The following NCKAP1 variants were observed in gnomAD, a reference collection of about 807,000 sequenced individuals.
NCKAP1 encodes the protein NCK associated protein 1, also known as nck-associated protein 1.
Under a neutral mutation model 151.2 loss-of-function variants are expected in NCKAP1, and 21 were observed. That is an observed-to-expected ratio of 0.14 (90% confidence interval 0.10 to 0.20). NCKAP1 has a LOEUF of 0.20. Ranked by LOEUF, NCKAP1 falls within the 10% of genes least tolerant of loss-of-function variation. The pLI is 1.00. For missense variants in NCKAP1, 933 were observed against 1,352.1 expected, an observed-to-expected ratio of 0.69 and a Z score of 4.86; for synonymous variants, 484 against 451.8, an observed-to-expected ratio of 1.07 and a Z score of -0.90.
At chr2:182,979,529 T>A (rs1697896034) in intron 13 of NCKAP1, among the ~76,000 whole-genome samples, 1 of 152,110 alleles carries the variant, frequency 6.6e-6, no homozygotes, top group Admixed American at 6.6e-5. Flanking sequence ...ACAAACAGTA[T>A]AAATAAAACA....
intron 13 of NCKAP1, among the ~76,000 whole-genome samples, chr2:182,979,444 A>G (rs373335156): frequency 1.3e-5 from 2 of 152,168 alleles, no homozygotes; most frequent in East Asian, 3.8e-4. Context: ...TAGCTTAAAA[A>G]ATGAATATTT....
intron 2 of NCKAP1, among the ~76,000 whole-genome samples, chr2:183,016,361 G>T (rs1698687572): frequency 6.6e-6 from 1 of 152,100 alleles, no homozygotes; most frequent in Admixed American, 6.6e-5. Flanking sequence ...ATCTCCTGAG[G>T]AGTTCTTTTA....
chr2:183,031,692 T>C (rs1699007054), intron 1 of NCKAP1, among the ~76,000 whole-genome samples: 1 of 152,164 alleles, frequency 6.6e-6, no homozygotes, highest in Non-Finnish European at 1.5e-5. Flanking sequence ...ACTGTACCAA[T>C]ACTTCCTATG....
Position 182,986,117 on chromosome 2 carries a change from G to A in NCKAP1, c.1004+54C>T, listed in dbSNP as rs1001252212. 4 of 1,518,736 alleles carry A rather than the reference G, an allele frequency of 2.6e-6. No homozygotes were observed. The African/African-American group carries it at 5.5e-5, about 21-fold the overall frequency. The allele number at this position is 1,518,736 out of a possible 1,614,324, so 94.1% of individuals were successfully genotyped here. ...TCTGTACTCACTTCAACAAAATGAT[G>A]CTTTAAGAATTTTTCTTGATTAAAG... On this transcript the variant is annotated intron_variant, in intron 10 of 30. Coordinates refer to ENST00000361354, the MANE Select transcript of NCKAP1 (RefSeq NM_013436.5).
At chr2:182,960,506 T>C (rs1697424111) in intron 18 of NCKAP1, among the ~76,000 whole-genome samples, 2 of 152,128 alleles carry the variant, frequency 1.3e-5, no homozygotes, top group African/African-American at 2.4e-5. Context: ...TAATAAATGG[T>C]GCTGGGAAAA....
In NCKAP1 at chr2:182,928,242, T is replaced by C. The variant is rs777652652; in HGVS notation, c.3071-16A>G. The C allele has an allele frequency of 5.7e-5, 89 of 1,554,106 alleles. No individual in the cohort carries two copies. Among genetic ancestry groups the C allele is most frequent in the Non-Finnish European group, 4.5e-5 (51 of 1,133,308 alleles). On this transcript the variant is annotated splice_polypyrimidine_tract_variant and intron_variant, in intron 28 of 30. Transcript: ENST00000361354. ...TTGCAATGCCCTGAGAAAATGCAAA[T>C]AGGGTTGTGTAGACCCCAAAATAGC...
Position 182,928,174 on chromosome 2 carries a change from T to C in NCKAP1, c.3123A>G (p.Ala1041=). ...TTCCTTTGTGAATTGTAAACAAAGC[T>C]GCAGCAATCTGGTTGATGGCTTTGG... is the stretch of plus-strand genomic sequence containing the variant. ...CLAKAINQIA[A]ALFTIHKGSI... is the part of the protein sequence containing the mutation. The change falls in exon 29 of 31, where the codon GCA becomes GCG. Residue 1041 remains alanine (A), a synonymous_variant. Coordinates refer to ENST00000361354, the MANE Select transcript of NCKAP1 (RefSeq NM_013436.5). 6.2e-7 allele frequency: 1 copy of C among 1,613,096 alleles called. No individual in the cohort carries two copies. Among genetic ancestry groups the C allele is most frequent in the African/African-American group, 1.3e-5 (1 of 75,020 alleles).
chr2:182,954,817 A>G lies in NCKAP1; in HGVS notation c.2154-1486T>C, dbSNP rs557077870. 2.8e-4 allele frequency among the ~76,000 whole-genome samples: 42 copies of G among 152,168 alleles called. 1 individual carries two copies. In the South Asian group the frequency reaches 7.1e-3, roughly 26 times the overall value. The stretch of plus-strand genomic sequence containing the variant: ...AATAAATAAATAAATTAAATAAAAT[A>G]AAAAATCTTTCCAAGGTAAACAAGC... On this transcript the variant is annotated intron_variant, in intron 20 of 30. Transcript: ENST00000361354.
chr2:182,993,199 T>G (rs1698202016), intron 8 of NCKAP1, among the ~76,000 whole-genome samples: 1 of 152,218 alleles, frequency 6.6e-6, no homozygotes, highest in Non-Finnish European at 1.5e-5. Flanking sequence ...CCAGATTACT[T>G]GTAATACCTA....
chr2:182,963,842 G>T (rs1405847302), intron 17 of NCKAP1, among the ~76,000 whole-genome samples: 4 of 151,972 alleles, frequency 2.6e-5, no homozygotes, highest in Non-Finnish European at 5.9e-5. Flanking sequence ...CTCATAGGTA[G>T]AAATTCTGAA....
chr2:182,935,435 A>C, intron 24 of NCKAP1, 60 bp from the exon 25 acceptor site: 1 of 996,074 alleles, frequency 1.0e-6, no homozygotes, highest in Non-Finnish European at 1.4e-6. Context: ...ATTCTTTCTT[A>C]AACTTGGAAA....
Position 182,915,905 on chromosome 2 carries a change from C to T in NCKAP1, c.*9797G>A, listed in dbSNP as rs1427648844. On this transcript the variant is annotated 3_prime_UTR_variant, in exon 31 of 31. Transcript: ENST00000361354. ...AGATTTAAAAATAATTTTTTTGCTA[C>T]GTGGAATGCCTTTTTGATCTATTGC... The T allele has an allele frequency of 2.6e-5, 4 of 152,040 alleles. No individual in the cohort carries two copies. Among genetic ancestry groups the T allele is most frequent in the Non-Finnish European group, 4.4e-5 (3 of 68,010 alleles). 9.4% of individuals were successfully genotyped at this position (152,040 alleles called of 1,614,324 possible).
intron 15 of NCKAP1, among the ~76,000 whole-genome samples, chr2:182,971,569 C>CA (rs1697692671): frequency 6.6e-6 from 1 of 150,434 alleles, no homozygotes; most frequent in Non-Finnish European, 1.5e-5. Flanking sequence ...GAACAAACAA[C>CA]AACAAAAAAA....
chr2:182,952,618 T>C, intron 22 of NCKAP1, 116 bp from the exon 23 acceptor site: 1 of 1,093,626 alleles, frequency 9.1e-7, no homozygotes, highest in South Asian at 1.8e-5. Flanking sequence ...CTGATAAAAG[T>C]CTCTAGAGTG....
intron 26 of NCKAP1, among the ~76,000 whole-genome samples, chr2:182,933,414 C>T (rs1179713072): frequency 6.8e-5 from 7 of 103,066 alleles, no homozygotes; most frequent in Non-Finnish European, 1.3e-4. Flanking sequence ...TTTTTGGAGA[C>T]GGGAGTTTTG....
At chr2:183,012,779 A>ATTT (rs58239552) in intron 2 of NCKAP1, among the ~76,000 whole-genome samples, 15 of 127,848 alleles carry the variant, frequency 1.2e-4, no homozygotes, top group Non-Finnish European at 1.7e-4. Context: ...ACACCTGGCT[A>ATTT]TTTTTTTTTT....
chr2:183,009,475 G>GTAGC (rs1553517571), intron 2 of NCKAP1, among the ~76,000 whole-genome samples: 1 of 100,224 alleles, frequency 1.0e-5, no homozygotes, highest in South Asian at 4.0e-4. Context: ...AGGAAGGAAG[G>GTAGC]AAGCAAGCAA....
rs533149482 is a variant in NCKAP1, at chr2:182,994,993, C to G, written c.742-106G>C. 47 of 835,164 alleles carry G rather than the reference C, an allele frequency of 5.6e-5. No homozygotes were observed. The African/African-American group carries it at 7.8e-4, about 14-fold the overall frequency. The allele number at this position is 835,164 out of a possible 1,614,324, so 51.7% of individuals were successfully genotyped here. ...CCTGATAACTTACTACCCAATTCTT[C>G]GCCCAAATACTACCACAACAAATTT... On this transcript the variant is annotated intron_variant, in intron 7 of 30. Coordinates refer to ENST00000361354, the MANE Select transcript of NCKAP1 (RefSeq NM_013436.5).
At chr2:183,031,156 A>C (rs1457967019) in intron 1 of NCKAP1, among the ~76,000 whole-genome samples, 1 of 152,230 alleles carries the variant, frequency 6.6e-6, no homozygotes, top group African/African-American at 2.4e-5. Flanking sequence ...TCCTTTAGAC[A>C]CAAGTTCTGA....
Sources: allele counts gnomAD v4.1 joint callset (sites outside exome capture counted in the v4.1 genomes callset), GRCh38; gene constraint gnomAD v4.1.1; transcripts MANE v1.5; gene names NCBI Gene and HGNC (gene_info 2026-07-23, HGNC 2026-07-21).